The following ADGRD1 variants were observed in gnomAD, a reference collection of about 807,000 sequenced individuals.
ADGRD1 encodes the protein G-protein coupled receptor 133.
A neutral mutation model predicts 113.4 loss-of-function variants in ADGRD1; 77 were observed. The ratio of observed to expected loss-of-function variants is 0.68; its 90% CI spans 0.57 to 0.82. ADGRD1 has a LOEUF of 0.82. Among genes scored for constraint, ADGRD1 ranks in the 40% least tolerant of loss-of-function variants. ADGRD1 has a pLI of 0.00. For missense variants in ADGRD1, 1,036 were observed against 1,139.1 expected, an observed-to-expected ratio of 0.91 and a Z score of 1.30; for synonymous variants, 474 against 475.0, an observed-to-expected ratio of 1.00 and a Z score of 0.03.
chr12:131,135,923 C>G lies in ADGRD1; in HGVS notation c.2268-114C>G, dbSNP rs1255315146. On this transcript the variant is annotated intron_variant, in intron 21 of 24. Transcript: ENST00000261654. ...CCTGCAGGGAGGACCCCAGGTCTTG[C>G]TCCCGGCAGGGCGGTGCCTGCACCC... is the stretch of plus-strand genomic sequence containing the variant. 5.2e-6 allele frequency: 6 copies of G among 1,145,308 alleles called. No homozygotes were observed. In the East Asian group the frequency reaches 1.5e-4, roughly 29 times the overall value. The allele number at this position is 1,145,308 out of a possible 1,614,324, so 70.9% of individuals were successfully genotyped here.
At position 130,981,660 on chromosome 12, in the gene ADGRD1, G is replaced by A. The variant is rs191167361; in HGVS notation, c.311-224G>A. Reference sequence around the variant, plus strand: ...AGGATTTTTGTACTTTTTAAAAGGCGAGAATTCATTTCAAACTCCTAGAAA... The same window carrying A: ...AGGATTTTTGTACTTTTTAAAAGGCAAGAATTCATTTCAAACTCCTAGAAA... On this transcript the variant is annotated intron_variant, in intron 4 of 24. Transcript: ENST00000261654. 3.3e-4 allele frequency among the ~76,000 whole-genome samples: 50 copies of A among 152,270 alleles called. No individual in the cohort carries two copies. The East Asian group carries it at 7.0e-3, about 21-fold the overall frequency.
chr12:131,080,881 A>T (rs1359032431), intron 14 of ADGRD1, among the ~76,000 whole-genome samples: 1 of 152,146 alleles, frequency 6.6e-6, no homozygotes, highest in East Asian at 1.9e-4. Flanking sequence ...CGGCCTCCCA[A>T]AGTGCTGGGA....
chr12:131,047,626 T>C (rs555019299), intron 13 of ADGRD1, among the ~76,000 whole-genome samples: 1 of 152,254 alleles, frequency 6.6e-6, no homozygotes, highest in South Asian at 2.1e-4. Flanking sequence ...GGGCTGGGAC[T>C]CTCCTCCATG....
chr12:131,128,000 G>T (rs867279437), intron 20 of ADGRD1, among the ~76,000 whole-genome samples: 327 of 54,738 alleles, frequency 6.0e-3, no homozygotes, highest in African/African-American at 7.8e-3. Flanking sequence ...GTGTTGGTTG[G>T]GTTGGTTGTG....
intron 6 of ADGRD1, chr12:130,987,975 C>A (rs893494167): frequency 1.3e-5 from 2 of 156,012 alleles, no homozygotes; most frequent in African/African-American, 4.8e-5. Context: ...AAAAGGAAAC[C>A]CCGCACCCGG....
chr12:131,132,748 C>T (rs1034194378), intron 21 of ADGRD1, among the ~76,000 whole-genome samples: 2 of 152,154 alleles, frequency 1.3e-5, no homozygotes, highest in Non-Finnish European at 2.9e-5. Flanking sequence ...CTCATATGAC[C>T]GTGTGACTGT....
chr12:131,104,119 C>T (rs140250245), intron 15 of ADGRD1, among the ~76,000 whole-genome samples: 162 of 152,358 alleles, frequency 1.1e-3, no homozygotes, highest in Non-Finnish European at 2.1e-3. Context: ...GGTGTTGGGA[C>T]CCAGCAGACA....
intron 13 of ADGRD1, among the ~76,000 whole-genome samples, chr12:131,071,872 C>T (rs1212122783): frequency 6.6e-6 from 1 of 151,320 alleles, no homozygotes. Flanking sequence ...CTGCAGGGTT[C>T]TCGGAGACAT....
chr12:131,021,196 C>T (rs1455710296), intron 13 of ADGRD1, among the ~76,000 whole-genome samples: 6 of 152,174 alleles, frequency 3.9e-5, no homozygotes, highest in Admixed American at 3.9e-4. Flanking sequence ...ATGATTGAAA[C>T]CAGTAAATTG....
At chr12:131,090,074 G>A (rs748830234) in intron 15 of ADGRD1, among the ~76,000 whole-genome samples, 2 of 152,198 alleles carry the variant, frequency 1.3e-5, no homozygotes, top group Non-Finnish European at 2.9e-5. Context: ...AAAAACCTGG[G>A]ACAGAGACGA....
intron 14 of ADGRD1, among the ~76,000 whole-genome samples, chr12:131,081,261 T>C (rs2137193047): frequency 6.6e-6 from 1 of 152,342 alleles, no homozygotes; most frequent in East Asian, 1.9e-4. Context: ...AATTGACATG[T>C]TTAGACAATT....
intron 13 of ADGRD1, among the ~76,000 whole-genome samples, chr12:131,063,075 G>T (rs1466587161): frequency 6.6e-6 from 1 of 151,856 alleles, no homozygotes; most frequent in African/African-American, 2.4e-5. Flanking sequence ...TTTCTAATTG[G>T]ATTCTTTTTG....
chr12:131,037,849 G>A (rs904945120), intron 13 of ADGRD1, among the ~76,000 whole-genome samples: 11 of 147,866 alleles, frequency 7.4e-5, no homozygotes, highest in Middle Eastern at 3.6e-3. Flanking sequence ...TCACTGCACC[G>A]GGTCTCACTC....
At chr12:131,039,345 C>T (rs566566182) in intron 13 of ADGRD1, among the ~76,000 whole-genome samples, 18 of 152,250 alleles carry the variant, frequency 1.2e-4, no homozygotes, top group East Asian at 1.9e-4. Context: ...ACCCTTTCAA[C>T]GCCGGGGAAA....
chr12:131,091,948 TGTATGAATGAGG>T (rs1326729633), intron 15 of ADGRD1: 4 of 152,258 alleles, frequency 2.6e-5, no homozygotes, highest in African/African-American at 9.7e-5. Context: ...CTGTGTTTGC[TGTATGAATGAGG>T]GTATGGAGGA....
chr12:131,126,850 G>A (rs949247845), intron 20 of ADGRD1, among the ~76,000 whole-genome samples: 3 of 152,300 alleles, frequency 2.0e-5, no homozygotes, highest in South Asian at 2.1e-4. Flanking sequence ...GGCATTTTCC[G>A]ATTTGTAGTC....
chr12:130,964,514 C>T (rs547219424), intron 2 of ADGRD1, among the ~76,000 whole-genome samples: 8 of 152,130 alleles, frequency 5.3e-5, no homozygotes, highest in South Asian at 4.2e-4. Context: ...GGTGAAACCC[C>T]GTCTCTACTA....
At chr12:131,078,413 G>A (rs1019097677) in intron 14 of ADGRD1, among the ~76,000 whole-genome samples, 14 of 152,198 alleles carry the variant, frequency 9.2e-5, no homozygotes, top group Non-Finnish European at 1.9e-4. Flanking sequence ...TGTAATTTCA[G>A]TGATTTTGCC....
chr12:131,073,524 C>T (rs138052306), intron 13 of ADGRD1, among the ~76,000 whole-genome samples: 1 of 152,318 alleles, frequency 6.6e-6, no homozygotes, highest in Non-Finnish European at 1.5e-5. Flanking sequence ...ACCATGGTGC[C>T]ATCTCTCTTT....
Sources: gnomAD v4.1 joint callset for allele counts (sites outside exome capture counted in the v4.1 genomes callset) on GRCh38, gnomAD v4.1.1 for gene constraint, MANE v1.5 for transcripts, NCBI Gene and HGNC (gene_info 2026-07-23, HGNC 2026-07-21) for gene names.